The following SGCZ variants were observed in gnomAD, a reference collection of about 807,000 sequenced individuals.
SGCZ encodes zeta-sarcoglycan.
SGCZ carries 40 observed loss-of-function variants against 41.3 expected under a neutral mutation model. That is an observed-to-expected ratio of 0.97 (90% CI 0.75 to 1.26). The LOEUF is 1.26. SGCZ is among the 50% of genes most tolerant of loss of function. SGCZ has a pLI of 0.00. For synonymous variants in SGCZ, 206 were observed against 137.5 expected, an observed-to-expected ratio of 1.50 and a Z score of -3.49; for missense variants, 552 against 369.8, an observed-to-expected ratio of 1.49 and a Z score of -4.04.
intron 3 of SGCZ, among the ~76,000 whole-genome samples, chr8:14,253,192 T>C (rs1297577544): frequency 6.6e-6 from 1 of 151,204 alleles, no homozygotes; most frequent in Non-Finnish European, 1.5e-5. Flanking sequence ...TAGAAACATA[T>C]ATTATCATAT....
At chr8:14,827,878 C>T (rs372110147) in intron 1 of SGCZ, among the ~76,000 whole-genome samples, 37 of 152,140 alleles carry the variant, frequency 2.4e-4, no homozygotes, top group African/African-American at 6.7e-4. Context: ...ACATATCACC[C>T]GGTGTATTTT....
intron 1 of SGCZ, among the ~76,000 whole-genome samples, chr8:14,979,365 G>C (rs920850159): frequency 7.2e-5 from 11 of 152,030 alleles, no homozygotes; most frequent in African/African-American, 2.7e-4. Flanking sequence ...TAAACTATCT[G>C]CATCTATAAT....
chr8:14,595,160 G>C (rs1043044930), intron 1 of SGCZ, among the ~76,000 whole-genome samples: 7 of 152,040 alleles, frequency 4.6e-5, no homozygotes, highest in African/African-American at 1.7e-4. Context: ...ACCCTTTCAA[G>C]TGTCCCCCTA....
chr8:14,778,098 T>A (rs1374646058), intron 1 of SGCZ, among the ~76,000 whole-genome samples: 1 of 152,038 alleles, frequency 6.6e-6, no homozygotes, highest in Non-Finnish European at 1.5e-5. Context: ...TAATAATTTT[T>A]TTTTGTTTTT....
intron 2 of SGCZ, among the ~76,000 whole-genome samples, chr8:14,350,973 T>C (rs1803069035): frequency 6.6e-6 from 1 of 152,260 alleles, no homozygotes; most frequent in East Asian, 1.9e-4. Flanking sequence ...AACCTGAGGT[T>C]CCATTGCTCA....
At chr8:14,776,679 G>A (rs1368064156) in intron 1 of SGCZ, among the ~76,000 whole-genome samples, 1 of 151,660 alleles carries the variant, frequency 6.6e-6, no homozygotes, top group Non-Finnish European at 1.5e-5. Flanking sequence ...ATTTTTAGTA[G>A]AGGCGGGGTT....
chr8:14,737,480 G>A (rs755826665), intron 1 of SGCZ, among the ~76,000 whole-genome samples: 4 of 151,944 alleles, frequency 2.6e-5, no homozygotes, highest in African/African-American at 4.8e-5. Context: ...CATTCACTTC[G>A]TGCTTATGTC....
intron 2 of SGCZ, among the ~76,000 whole-genome samples, chr8:14,367,883 G>T (rs1478295073): frequency 6.6e-6 from 1 of 152,018 alleles, no homozygotes; most frequent in Non-Finnish European, 1.5e-5. Flanking sequence ...ACTTAATAAT[G>T]CTTGCCCACC....
chr8:14,676,061 G>T (rs1335004784), intron 1 of SGCZ, among the ~76,000 whole-genome samples: 2 of 152,164 alleles, frequency 1.3e-5, no homozygotes, highest in African/African-American at 4.8e-5. Flanking sequence ...AACTAGCAGA[G>T]GAATGAAGTG....
intron 1 of SGCZ, among the ~76,000 whole-genome samples, chr8:14,886,853 G>A (rs76546190): frequency 6.6e-6 from 1 of 152,076 alleles, no homozygotes; most frequent in Non-Finnish European, 1.5e-5. Flanking sequence ...TGGCACCCAG[G>A]ATGCAAGTTG....
intron 1 of SGCZ, among the ~76,000 whole-genome samples, chr8:15,169,315 A>C (rs568910203): frequency 2.0e-4 from 30 of 152,266 alleles, no homozygotes; most frequent in African/African-American, 7.0e-4. Flanking sequence ...CAGCCTGCCC[A>C]CTGAGGTGGG....
chr8:14,222,897 T>C (rs772759297), intron 4 of SGCZ, among the ~76,000 whole-genome samples: 2 of 138,022 alleles, frequency 1.4e-5, no homozygotes, highest in Non-Finnish European at 3.1e-5. Context: ...CTGTAACCTC[T>C]ACATGCCGGG....
intron 2 of SGCZ, among the ~76,000 whole-genome samples, chr8:14,485,833 A>ATTTTTTTTTTTC (rs377133153): frequency 9.7e-6 from 1 of 103,368 alleles, no homozygotes; most frequent in Non-Finnish European, 1.9e-5. Flanking sequence ...CTCTAGAACA[A>ATTTTTTTTTTTC]TTTTTTTTTT....
intron 2 of SGCZ, among the ~76,000 whole-genome samples, chr8:14,427,826 G>A (rs565705789): frequency 1.3e-5 from 2 of 151,996 alleles, no homozygotes. Context: ...ACTTACTCAT[G>A]GGTTCAGCAG....
chr8:14,951,481 G>A (rs1204420643), intron 1 of SGCZ, among the ~76,000 whole-genome samples: 1 of 151,842 alleles, frequency 6.6e-6, no homozygotes, highest in Non-Finnish European at 1.5e-5. Flanking sequence ...GGGATTATAT[G>A]GTGAGATAAT....
chr8:14,968,900 A>AG (rs1801204969), intron 1 of SGCZ, among the ~76,000 whole-genome samples: 1 of 152,094 alleles, frequency 6.6e-6, no homozygotes, highest in South Asian at 2.1e-4. Flanking sequence ...TTTTCATTCG[A>AG]GCTTTTTTTT....
chr8:14,604,029 C>T (rs1805671942), intron 1 of SGCZ, among the ~76,000 whole-genome samples: 1 of 152,060 alleles, frequency 6.6e-6, no homozygotes, highest in Middle Eastern at 3.4e-3. Context: ...ACAATTCATC[C>T]CAACTAAAGC....
At chr8:14,515,052 G>A (rs1802581524) in intron 2 of SGCZ, among the ~76,000 whole-genome samples, 1 of 151,910 alleles carries the variant, frequency 6.6e-6, no homozygotes, top group South Asian at 2.1e-4. Flanking sequence ...AACATAGTAT[G>A]TGTAAATGTC....
In SGCZ at chr8:15,110,052, C is replaced by G. The variant is rs567598403; in HGVS notation, c.39+127533G>C. On this transcript the variant is annotated intron_variant, in intron 1 of 7. Transcript: ENST00000382080. ...GGGACATTTTCATTAGTTAATTATT[C>G]AGAGACATTTTATCATTTTTAAAAA... Among the ~76,000 whole-genome samples the G allele has an allele frequency of 1.5e-4, 23 of 152,248 alleles. No individual in the cohort carries two copies. The East Asian group carries it at 4.1e-3, about 27-fold the overall frequency.
Sources: gnomAD v4.1 joint callset for allele counts (sites outside exome capture counted in the v4.1 genomes callset) on GRCh38, gnomAD v4.1.1 for gene constraint, MANE v1.5 for transcripts, NCBI Gene and HGNC (gene_info 2026-07-23, HGNC 2026-07-21) for gene names.